Variants in HDAC9 observed in about 807,000 individuals in gnomAD.
HDAC9 encodes the protein histone deacetylase 9.
In HDAC9, 41 loss-of-function variants were observed where a neutral mutation model predicts 139.4. The observed-to-expected ratio is 0.29, with a 90% CI of 0.23 to 0.38. The LOEUF is 0.38. Ranked by LOEUF, HDAC9 falls within the 10% of genes least tolerant of loss-of-function variation. The pLI is 1.00. For synonymous variants in HDAC9, 517 were observed against 476.2 expected (o/e 1.09, Z -1.12); for missense variants, 1,147 against 1,297.0 (o/e 0.88, Z 1.78).
Position 18,601,318 on chromosome 7 carries a change from C to T in HDAC9, c.664+7289C>T, listed in dbSNP as rs923899018. Among the ~76,000 whole-genome samples the T allele has an allele frequency of 2.0e-5, 3 of 152,170 alleles. No individual in the cohort carries two copies. The East Asian group carries it at 5.8e-4, about 29-fold the overall frequency. ...CAGCTGACTTTTGTATATTAACTTT[C>T]TATCTTGCCAATTGGTATAACAGCT... On this transcript the variant is annotated intron_variant, in intron 6 of 25. Coordinates refer to ENST00000686413, the MANE Select transcript of HDAC9 (RefSeq NM_178425.4).
At chr7:18,560,543 G>T (rs1820265369) in intron 2 of HDAC9, among the ~76,000 whole-genome samples, 1 of 152,050 alleles carries the variant, frequency 6.6e-6, no homozygotes, top group Non-Finnish European at 1.5e-5. Context: ...TGTGCCTGTT[G>T]TGCCCCGTGC....
intron 1 of HDAC9, among the ~76,000 whole-genome samples, chr7:18,468,948 G>C (rs1054209996): frequency 3.3e-5 from 5 of 152,156 alleles, no homozygotes; most frequent in Non-Finnish European, 5.9e-5. Context: ...TTAGATGGAT[G>C]ACATCATTGT....
chr7:18,511,444 C>T (rs562504723), intron 2 of HDAC9, among the ~76,000 whole-genome samples: 1 of 152,148 alleles, frequency 6.6e-6, no homozygotes, highest in Non-Finnish European at 1.5e-5. Context: ...ACAAACCAAA[C>T]TAAATTGCCA....
intron 23 of HDAC9, among the ~76,000 whole-genome samples, chr7:18,944,240 G>A (rs1403067849): frequency 6.6e-6 from 1 of 152,038 alleles, no homozygotes; most frequent in Non-Finnish European, 1.5e-5. Flanking sequence ...TTGTCCTCTT[G>A]GTCTTGATTA....
intron 21 of HDAC9, among the ~76,000 whole-genome samples, chr7:18,860,248 G>C (rs923305610): frequency 2.0e-5 from 3 of 151,732 alleles, no homozygotes; most frequent in African/African-American, 7.3e-5. Flanking sequence ...TAATGACTTG[G>C]GTAGACATTT....
chr7:18,224,038 A>G (rs1364384006), intron 2 of HDAC9, among the ~76,000 whole-genome samples: 1 of 152,204 alleles, frequency 6.6e-6, no homozygotes, highest in Non-Finnish European at 1.5e-5. Flanking sequence ...CTTTTTTAGT[A>G]AAGCTGAATA....
chr7:18,325,040 C>T (rs1170567047), intron 1 of HDAC9, among the ~76,000 whole-genome samples: 1 of 152,010 alleles, frequency 6.6e-6, no homozygotes, highest in Admixed American at 6.6e-5. Context: ...AAGCAGAGAG[C>T]TACATCTGTT....
At chr7:18,473,448 A>G (rs1053622521) in intron 1 of HDAC9, among the ~76,000 whole-genome samples, 3 of 152,216 alleles carry the variant, frequency 2.0e-5, no homozygotes, top group Admixed American at 6.5e-5. Flanking sequence ...CTAGGAGACA[A>G]TATTTCTTTT....
chr7:18,732,897 A>G (rs572495210), intron 13 of HDAC9, among the ~76,000 whole-genome samples: 2 of 113,604 alleles, frequency 1.8e-5, no homozygotes, highest in Admixed American at 1.6e-4. Flanking sequence ...ATGTGTACAC[A>G]CACACGTGTG....
chr7:18,228,497 GAA>G (rs1284406813), intron 2 of HDAC9, among the ~76,000 whole-genome samples: 1 of 152,098 alleles, frequency 6.6e-6, no homozygotes, highest in African/African-American at 2.4e-5. Context: ...ATATTCTAGA[GAA>G]AAATAAACAA....
At chr7:18,328,788 C>T (rs1698480401) in intron 1 of HDAC9, among the ~76,000 whole-genome samples, 1 of 151,808 alleles carries the variant, frequency 6.6e-6, no homozygotes, top group South Asian at 2.1e-4. Flanking sequence ...GTGTCCTTGT[C>T]CGGCTCTGGT....
At chr7:18,197,694 G>T (rs957158445) in intron 2 of HDAC9, among the ~76,000 whole-genome samples, 1 of 152,146 alleles carries the variant, frequency 6.6e-6, no homozygotes, top group Non-Finnish European at 1.5e-5. Flanking sequence ...ACATTGGTTT[G>T]TCAGCCTCTT....
At chr7:18,491,061 T>C (rs1796329155), upstream of HDAC9, among the ~76,000 whole-genome samples, 1 of 151,950 alleles carries the variant, frequency 6.6e-6, no homozygotes, top group South Asian at 2.1e-4. Flanking sequence ...ATAAATTGGG[T>C]TACATTACCT....
In HDAC9 at chr7:18,502,248, T is replaced by C. The variant is rs377343473; in HGVS notation, c.22+5924T>C. ...GAGGGGAAACTGCTGTCTTGGCGTC[T>C]CTTTTAAAGGAAAGAAATCTTACCC... On this transcript the variant is annotated intron_variant, in intron 2 of 25. Coordinates refer to ENST00000686413, the MANE Select transcript of HDAC9 (RefSeq NM_178425.4). 4 of 152,342 alleles carry C rather than the reference T, an allele frequency of 2.6e-5. No homozygotes were observed. The East Asian group carries it at 7.7e-4, about 29-fold the overall frequency. 9.4% of individuals were successfully genotyped at this position (152,342 alleles called of 1,614,324 possible). A position where few individuals can be genotyped will look rare whatever the true frequency, so the allele number is the denominator to read the frequency against.
At chr7:18,786,805 T>TTCCC (rs1791850537) in intron 16 of HDAC9, among the ~76,000 whole-genome samples, 1 of 82,180 alleles carries the variant, frequency 1.2e-5, no homozygotes, top group African/African-American at 5.3e-5. Flanking sequence ...CTTTCCTTCC[T>TTCCC]TCCTTCCTTC....
chr7:18,380,016 T>G (rs1785295475), intron 1 of HDAC9, among the ~76,000 whole-genome samples: 1 of 152,198 alleles, frequency 6.6e-6, no homozygotes, highest in South Asian at 2.1e-4. Flanking sequence ...TAACACATTT[T>G]AGTTTTTCTC....
chr7:18,568,972 G>A (rs1055509077), intron 2 of HDAC9, among the ~76,000 whole-genome samples: 10 of 152,008 alleles, frequency 6.6e-5, no homozygotes, highest in Admixed American at 4.6e-4. Context: ...GCTTGAACCC[G>A]GGAGGCGAAA....
intron 8 of HDAC9, among the ~76,000 whole-genome samples, chr7:18,642,293 T>A (rs1250086488): frequency 6.6e-6 from 1 of 152,074 alleles, no homozygotes; most frequent in African/African-American, 2.4e-5. Context: ...TGCACTCCTT[T>A]ATTCCTGCCA....
intron 24 of HDAC9, among the ~76,000 whole-genome samples, chr7:18,972,647 C>G (rs1219567462): frequency 6.6e-6 from 1 of 152,092 alleles, no homozygotes; most frequent in African/African-American, 2.4e-5. Flanking sequence ...TCCCAAAGTG[C>G]TGGGATTACA....
Sources: allele counts gnomAD v4.1 joint callset (sites outside exome capture counted in the v4.1 genomes callset), GRCh38; gene constraint gnomAD v4.1.1; transcripts MANE v1.5; gene names NCBI Gene and HGNC (gene_info 2026-07-23, HGNC 2026-07-21).